Variants in RNF13 observed in about 807,000 individuals in gnomAD.
RNF13 encodes the protein ring finger protein 13.
In RNF13, 19 loss-of-function variants were observed where a neutral mutation model predicts 37.7. The observed-to-expected ratio is 0.50, with a 90% CI of 0.35 to 0.74. The LOEUF is 0.74. Ranked by LOEUF, RNF13 falls within the 30% of genes least tolerant of loss-of-function variation. The probability of loss-of-function intolerance (pLI) is 0.01; values close to 1 mark genes in which losing one functional copy is unlikely to be tolerated. For synonymous variants in RNF13, 144 were observed against 157.8 expected (o/e 0.91, Z 0.65); for missense variants, 375 against 453.0 (o/e 0.83, Z 1.56).
At chr3:149,819,982 T>G (rs1251854776) in intron 1 of RNF13, among the ~76,000 whole-genome samples, 1 of 152,126 alleles carries the variant, frequency 6.6e-6, no homozygotes, top group African/African-American at 2.4e-5. Context: ...GAGTTAATAA[T>G]TATTAAATAT....
chr3:149,853,447 A>AGAGG (rs1723298840), intron 3 of RNF13, among the ~76,000 whole-genome samples: 3 of 115,790 alleles, frequency 2.6e-5, no homozygotes, highest in Non-Finnish European at 5.3e-5. Flanking sequence ...TGTGTGAGAG[A>AGAGG]GAGAGAGGGA....
At chr3:149,872,432 C>G (rs1032784482) in intron 4 of RNF13, among the ~76,000 whole-genome samples, 1 of 152,194 alleles carries the variant, frequency 6.6e-6, no homozygotes, top group Non-Finnish European at 1.5e-5. Context: ...TTTACCCTTC[C>G]AGTATCAATC....
chr3:149,851,710 TTACTTGTTTACTATCTA>T (rs1201798803), intron 2 of RNF13: 6 of 152,210 alleles, frequency 3.9e-5, no homozygotes, highest in East Asian at 1.9e-4. Context: ...GTTTCAAAAG[TTACTTGTTTACTATCTA>T]TACTTGTTTA....
Position 149,813,324 on chromosome 3 carries a change from C to G in RNF13, c.-46C>G, listed in dbSNP as rs761169747. The G allele has an allele frequency of 5.9e-5, 9 of 152,304 alleles. No individual in the cohort carries two copies. The highest frequency in any genetic ancestry group is 1.3e-4 in the Non-Finnish European group (9 of 68,148). The allele number at this position is 152,304 out of a possible 1,614,324, so 9.4% of individuals were successfully genotyped here. On this transcript the variant is annotated 5_prime_UTR_variant, in exon 1 of 10. Coordinates refer to ENST00000392894, the MANE Select transcript of RNF13 (RefSeq NM_183381.3). ...TCCCGCAGCGACGCGGCTGGCAAGA[C>G]TGTTTGTGTTGCGGGGGCCGGACTT...
intron 1 of RNF13, among the ~76,000 whole-genome samples, chr3:149,840,821 A>G (rs1473969247): frequency 6.6e-6 from 1 of 152,224 alleles, no homozygotes; most frequent in Non-Finnish European, 1.5e-5. Flanking sequence ...ACAACATATC[A>G]ACATAAAATG....
intron 5 of RNF13, among the ~76,000 whole-genome samples, chr3:149,899,184 G>C (rs999935870): frequency 3.3e-5 from 5 of 152,184 alleles, no homozygotes; most frequent in African/African-American, 9.7e-5. Flanking sequence ...AGTGGCTCAG[G>C]CCTGTAATCC....
chr3:149,908,688 T>C (rs1174951872), intron 6 of RNF13, among the ~76,000 whole-genome samples: 1 of 152,188 alleles, frequency 6.6e-6, no homozygotes, highest in Non-Finnish European at 1.5e-5. Context: ...ATACAGGTTA[T>C]TGCCTGGAAA....
At chr3:149,856,317 C>G (rs931527558) in intron 3 of RNF13, among the ~76,000 whole-genome samples, 3 of 151,830 alleles carry the variant, frequency 2.0e-5, no homozygotes, top group African/African-American at 7.3e-5. Flanking sequence ...TTTACAAGGA[C>G]TTGATAATAA....
chr3:149,813,961 A>T (rs1031280095), intron 1 of RNF13: 2 of 152,270 alleles, frequency 1.3e-5, no homozygotes, highest in African/African-American at 4.8e-5. Flanking sequence ...GAAGCCAAAC[A>T]GCAGTATCCC....
At chr3:149,821,358 C>A (rs1321183983) in intron 1 of RNF13, among the ~76,000 whole-genome samples, 1 of 152,114 alleles carries the variant, frequency 6.6e-6, no homozygotes, top group Non-Finnish European at 1.5e-5. Flanking sequence ...TAATTGCCAT[C>A]CTTATGGGTA....
intron 1 of RNF13, among the ~76,000 whole-genome samples, chr3:149,824,812 C>CTTT (rs528414164): frequency 7.2e-6 from 1 of 139,154 alleles, no homozygotes; most frequent in Non-Finnish European, 1.6e-5. Flanking sequence ...AGGTCATCCT[C>CTTT]TTTTTTTTTT....
intron 6 of RNF13, among the ~76,000 whole-genome samples, chr3:149,904,883 C>T (rs1314551257): frequency 6.6e-6 from 1 of 152,124 alleles, no homozygotes; most frequent in Non-Finnish European, 1.5e-5. Flanking sequence ...ACAATATTCC[C>T]CATCCTGCTT....
At chr3:149,912,365 T>C (rs912321879) in intron 7 of RNF13, among the ~76,000 whole-genome samples, 1 of 152,098 alleles carries the variant, frequency 6.6e-6, no homozygotes, top group Non-Finnish European at 1.5e-5. Context: ...TTGTTAGAGA[T>C]GTGGGTTGCA....
At chr3:149,865,569 A>C (rs887023887) in intron 3 of RNF13, among the ~76,000 whole-genome samples, 3 of 152,030 alleles carry the variant, frequency 2.0e-5, no homozygotes, top group Non-Finnish European at 4.4e-5. Flanking sequence ...GGCCTCAAGC[A>C]ATCCTCCTAC....
intron 8 of RNF13, among the ~76,000 whole-genome samples, chr3:149,953,117 T>C (rs1721500194): frequency 6.6e-6 from 1 of 152,144 alleles, no homozygotes; most frequent in Non-Finnish European, 1.5e-5. Flanking sequence ...AAGTTGGATT[T>C]TTTTTTTTTA....
At chr3:149,887,130 C>T (rs139206584) in intron 4 of RNF13, among the ~76,000 whole-genome samples, 31 of 152,264 alleles carry the variant, frequency 2.0e-4, no homozygotes, top group East Asian at 9.7e-4. Context: ...GCCCGCTTCC[C>T]GGCAGCAACC....
At chr3:149,860,506 A>G (rs1310293937) in intron 3 of RNF13, among the ~76,000 whole-genome samples, 2 of 151,832 alleles carry the variant, frequency 1.3e-5, no homozygotes, top group Non-Finnish European at 2.9e-5. Flanking sequence ...GGTGCCAAGA[A>G]CATACACTGG....
intron 2 of RNF13, 134 bp downstream of exon 2, chr3:149,846,274 G>T: frequency 1.8e-6 from 1 of 565,214 alleles, no homozygotes; most frequent in Non-Finnish European, 3.1e-6. Context: ...CATATACACA[G>T]TTACTTGACA....
intron 4 of RNF13, among the ~76,000 whole-genome samples, chr3:149,872,618 TGTATGGTTTTTTAAA>T (rs1359724176): frequency 2.0e-5 from 3 of 152,182 alleles, no homozygotes; most frequent in East Asian, 3.9e-4. Context: ...CTGCTCTAGG[TGTATGGTTTTTTAAA>T]GTCTGTTTTG....
Sources: allele counts gnomAD v4.1 joint callset (sites outside exome capture counted in the v4.1 genomes callset), GRCh38; gene constraint gnomAD v4.1.1; transcripts MANE v1.5; gene names NCBI Gene and HGNC (gene_info 2026-07-23, HGNC 2026-07-21).